ABCA1: variants seen among roughly 807,000 people sequenced by gnomAD.
ABCA1 encodes phospholipid-transporting ATPase ABCA1.
In ABCA1, 133 loss-of-function variants were observed where a neutral mutation model predicts 262.5. The ratio of observed to expected loss-of-function variants is 0.51; its 90% CI spans 0.44 to 0.59. The LOEUF (loss-of-function observed/expected upper bound fraction) is 0.59. Ranked by LOEUF, ABCA1 falls within the 20% of genes least tolerant of loss-of-function variation. The pLI is 0.00. For missense variants in ABCA1, 2,452 were observed against 2,777.5 expected (o/e 0.88, Z 2.63); for synonymous variants, 1,022 against 1,043.5 (o/e 0.98, Z 0.40).
Position 104,814,023 on chromosome 9 carries a change from C to A in ABCA1, c.3901+95G>T. On this transcript the variant is annotated intron_variant, in intron 27 of 49. Coordinates refer to ENST00000374736, the MANE Select transcript of ABCA1 (RefSeq NM_005502.4). Reference sequence around the variant, plus strand: ...TTTGGACTCTGTAGGGATCTATCACCTTGGCTAAAGGCCATCCAAAGAAAA... The same window carrying A: ...TTTGGACTCTGTAGGGATCTATCACATTGGCTAAAGGCCATCCAAAGAAAA... The A allele has an allele frequency of 4.6e-6, 6 of 1,297,460 alleles. No homozygotes were observed. The South Asian group carries it at 7.3e-5, about 16-fold the overall frequency. 80.4% of individuals were successfully genotyped at this position (1,297,460 alleles called of 1,614,324 possible).
intron 27 of ABCA1, among the ~76,000 whole-genome samples, chr9:104,812,938 T>G (rs1457808843): frequency 6.6e-6 from 1 of 152,206 alleles, no homozygotes; most frequent in East Asian, 1.9e-4. Flanking sequence ...AGTCCTTGTC[T>G]GATAAGTACA....
chr9:104,903,586 C>A (rs1282510605), intron 2 of ABCA1, 28 bp downstream of exon 2: 6 of 1,565,648 alleles, frequency 3.8e-6, no homozygotes, highest in Admixed American at 3.8e-5. Flanking sequence ...ATGAGAGAAC[C>A]CCCCGCTGCT....
At position 104,890,199 on chromosome 9, in the gene ABCA1, A is replaced by G. The variant is rs1310823831; in HGVS notation, c.67-1004T>C. On this transcript the variant is annotated intron_variant, in intron 2 of 49. Coordinates refer to ENST00000374736, the MANE Select transcript of ABCA1 (RefSeq NM_005502.4). ...GTCACAGGGCCTTGTGTTTCAGAGT[A>G]ATTATAACTTACAACTGTGGCTTCA... 2.0e-5 allele frequency among the ~76,000 whole-genome samples: 3 copies of G among 152,234 alleles called. No individual in the cohort carries two copies. In the East Asian group the frequency reaches 5.8e-4, roughly 29 times the overall value.
intron 2 of ABCA1, among the ~76,000 whole-genome samples, chr9:104,892,428 G>T (rs1839830948): frequency 6.7e-6 from 1 of 149,362 alleles, no homozygotes. Context: ...GGGTGGGGGT[G>T]GGGAAGAAAG....
intron 7 of ABCA1, among the ~76,000 whole-genome samples, chr9:104,849,941 AG>A: frequency 6.6e-6 from 1 of 152,378 alleles, no homozygotes; most frequent in East Asian, 1.9e-4. Flanking sequence ...TGTTATACAT[AG>A]AATGTAAGTA....
chr9:104,927,110 T>A (rs1440380977), intron 1 of ABCA1, among the ~76,000 whole-genome samples: 1 of 151,090 alleles, frequency 6.6e-6, no homozygotes, highest in East Asian at 2.0e-4. Context: ...CTCAGGAGGC[T>A]GAGGCAGGAG....
intron 30 of ABCA1, among the ~76,000 whole-genome samples, chr9:104,807,843 TATAC>T (rs1463803673): frequency 8.2e-4 from 30 of 36,608 alleles, no homozygotes; most frequent in African/African-American, 1.8e-3. Flanking sequence ...AATATATATA[TATAC>T]ACACACACAC....
intron 47 of ABCA1, 127 bp downstream of exon 47, chr9:104,786,746 T>C (rs1250146385): frequency 2.7e-5 from 24 of 899,790 alleles, no homozygotes; most frequent in Non-Finnish European, 3.8e-5. Context: ...TATGCATATA[T>C]AATTTCAGGT....
At position 104,793,245 on chromosome 9, in the gene ABCA1, G is replaced by T. The variant is rs368105002; in HGVS notation, c.5562C>A (p.Phe1854Leu). The T allele has an allele frequency of 6.2e-7, 1 of 1,614,078 alleles. No individual in the cohort carries two copies. The highest frequency in any genetic ancestry group is 2.2e-5 in the East Asian group (1 of 44,866). Reference protein sequence around the residue: ...LSWDLVGRNLFAMAVEGVVFF... With the variant: ...LSWDLVGRNLLAMAVEGVVFF... ...ACACCACCCCTTCCACGGCCATGGC[G>T]AAGAGGTTTCGTCCCACCAAGTCCC... The change falls in exon 41 of 50, where the codon TTC becomes TTA. Residue 1854 changes from phenylalanine (F) to leucine (L), a missense_variant. Physicochemically the swap from Phe to Leu is conservative, Grantham distance 22. Coordinates refer to ENST00000374736, the MANE Select transcript of ABCA1 (RefSeq NM_005502.4).
At chr9:104,829,997 CCAA>C (rs1833134456) in intron 14 of ABCA1, among the ~76,000 whole-genome samples, 1 of 151,244 alleles carries the variant, frequency 6.6e-6, no homozygotes, top group East Asian at 1.9e-4. Context: ...ACCACCACCA[CCAA>C]CCACAGAGAA....
At position 104,793,221 on chromosome 9, in the gene ABCA1, C is replaced by T. The variant is rs1283313038; in HGVS notation, c.5586G>A (p.Val1862=). ...NLFAMAVEGV[V]FFLITVLIQY... ...GGATCAGAACAGTAATGAGGAAGAA[C>T]ACCACCCCTTCCACGGCCATGGCGA... Residue 1862 remains valine (V), a synonymous_variant, in exon 41 of 50, where the codon GTG becomes GTA. Transcript: ENST00000374736. The T allele has an allele frequency of 1.9e-6, 3 of 1,614,070 alleles. No individual in the cohort carries two copies. The highest frequency in any genetic ancestry group is 1.7e-6 in the Non-Finnish European group (2 of 1,179,990).
Position 104,883,083 on chromosome 9 carries a change from C to A in ABCA1, c.377G>T (p.Arg126Leu), listed in dbSNP as rs138438101. The change falls in exon 5 of 50, where the codon CGC becomes CTC. Residue 126 changes from arginine to leucine, a missense_variant. Physicochemically the swap from Arg to Leu is moderately radical, Grantham distance 102 (BLOSUM62 -2). Around this residue, in one of 4 missense-constraint regions of ABCA1, gnomAD observed 1,032 missense variants for 1,089.7 expected, o/e 0.95. Transcript: ENST00000374736. ...SQKDTSMKDM[R>L]KVLRTLQQIK... Reference sequence around the variant, plus strand: ...CTGCTGTAATGTTCTCAGAACTTTGCGCATGTCCTTCATGCTGGTGTCTTT... The same window carrying A: ...CTGCTGTAATGTTCTCAGAACTTTGAGCATGTCCTTCATGCTGGTGTCTTT... 1 of 1,614,052 alleles carries A rather than the reference C, an allele frequency of 6.2e-7. No individual in the cohort carries two copies. Among genetic ancestry groups the A allele is most frequent in the Non-Finnish European group, 8.5e-7 (1 of 1,180,020 alleles).
chr9:104,921,316 C>A (rs1454914267), intron 1 of ABCA1, among the ~76,000 whole-genome samples: 1 of 151,956 alleles, frequency 6.6e-6, no homozygotes, highest in African/African-American at 2.4e-5. Flanking sequence ...CAAACACCCC[C>A]CAAGAAAAGA....
chr9:104,787,985 C>CA lies in ABCA1; in HGVS notation c.6138dup (p.Gly2047TrpfsTer24). 1 of 1,614,228 alleles carries CA rather than the reference C, an allele frequency of 6.2e-7. No homozygotes were observed. ...GTAGAGAGCTTGCGTTTGTTGCCTC[C>CA]ACTATAGTTACCAGCATATTTTTCT... On this transcript the variant is annotated frameshift_variant, in exon 46 of 50. Coordinates refer to ENST00000374736, the MANE Select transcript of ABCA1 (RefSeq NM_005502.4). LOFTEE classifies it high-confidence loss of function.
intron 2 of ABCA1, among the ~76,000 whole-genome samples, chr9:104,893,869 G>C (rs2740494): frequency 0.47 from 71,289 of 151,988 alleles, 18,919 homozygotes; most frequent in African/African-American, 0.73. Flanking sequence ...ACAGGATCCA[G>C]AGAGGTAAAA....
intron 46 of ABCA1, 49 bp downstream of exon 46, chr9:104,787,871 T>C (rs775181895): frequency 6.2e-7 from 1 of 1,613,836 alleles, no homozygotes; most frequent in Non-Finnish European, 8.5e-7. Context: ...AACAGTCATG[T>C]TTTCCACTCA....
chr9:104,853,885 C>G (rs1169523385), intron 7 of ABCA1, among the ~76,000 whole-genome samples: 1 of 152,182 alleles, frequency 6.6e-6, no homozygotes, highest in Non-Finnish European at 1.5e-5. Context: ...TGAATATCCC[C>G]TGCAAAGATG....
rs549846033 is a variant in ABCA1 at position 104,824,393 on chromosome 9, C to T, written c.2656+72G>A. ...AGTCTTTTAGAAAGGCAGGAGACAT[C>T]GCTTGCCCCCAACAGTTAGCAGAGG... On this transcript the variant is annotated intron_variant, in intron 18 of 49. Coordinates refer to ENST00000374736, the MANE Select transcript of ABCA1 (RefSeq NM_005502.4). 159 of 1,603,638 alleles carry T rather than the reference C, an allele frequency of 9.9e-5. 2 individuals carry two copies. Among genetic ancestry groups the T allele is most frequent in the South Asian group, 4.8e-4 (43 of 89,444 alleles).
In ABCA1 at chr9:104,831,695, G is replaced by T; in HGVS notation, c.1642C>A (p.Leu548Met). The T allele has an allele frequency of 1.2e-6, 2 of 1,614,204 alleles. No individual in the cohort carries two copies. Among genetic ancestry groups the T allele is most frequent in the East Asian group, 4.5e-5 (2 of 44,884 alleles). The change falls in exon 13 of 50, where the codon CTG becomes ATG. Residue 548 changes from leucine (L) to methionine (M), a missense_variant. Physicochemically the swap from Leu to Met is conservative, Grantham distance 15. This residue lies in a region of ABCA1 where 1,032 missense variants were observed against 1,089.7 expected (regional missense o/e 0.95). Coordinates refer to ENST00000374736, the MANE Select transcript of ABCA1 (RefSeq NM_005502.4). ...FTGITPGSIE[L>M]PHHVKYKIRM... is the part of the protein sequence containing the mutation. ...ATCTTGTACTTGACATGATGGGGCA[G>T]CTCAATGCTGCCTGGAGTAATTCCA...
Sources: allele counts gnomAD v4.1 joint callset (sites outside exome capture counted in the v4.1 genomes callset), GRCh38; gene constraint gnomAD v4.1.1; regional missense constraint gnomAD v4.1.1; transcripts MANE v1.5; gene names NCBI Gene and HGNC (gene_info 2026-07-23, HGNC 2026-07-21).